DPF2: variants seen among roughly 807,000 people sequenced by gnomAD.
DPF2 encodes double PHD fingers 2, also known as zinc finger protein ubi-d4.
DPF2 carries 10 observed loss-of-function variants against 59.6 expected under a neutral mutation model. That is an observed-to-expected ratio of 0.17 (90% CI 0.10 to 0.28). DPF2 has a LOEUF of 0.28. DPF2 is among the 10% of genes least tolerant of loss of function. The probability of loss-of-function intolerance (pLI) is 1.00; values close to 1 mark genes in which losing one functional copy is unlikely to be tolerated. For synonymous variants in DPF2, 189 were observed against 190.6 expected, an observed-to-expected ratio of 0.99 and a Z score of 0.07; for missense variants, 315 against 509.4, an observed-to-expected ratio of 0.62 and a Z score of 3.67.
intron 10 of DPF2, 29 bp downstream of exon 10, chr11:65,348,960 C>T: frequency 6.2e-7 from 1 of 1,607,408 alleles, no homozygotes; most frequent in Non-Finnish European, 8.5e-7. Flanking sequence ...TTACTCAGAA[C>T]AATTACTTTA....
At chr11:65,337,509 A>AGG in intron 1 of DPF2, among the ~76,000 whole-genome samples, 1 of 79,496 alleles carries the variant, frequency 1.3e-5, no homozygotes, top group Non-Finnish European at 2.3e-5. Context: ...ATATATAGAG[A>AGG]GAGAGAGAGA....
At chr11:65,336,785 CAA>C (rs751170058) in intron 1 of DPF2, among the ~76,000 whole-genome samples, 11 of 65,844 alleles carry the variant, frequency 1.7e-4, no homozygotes, top group Non-Finnish European at 1.2e-4. Context: ...GACTCCATCT[CAA>C]AAAAAAAAAA....
intron 3 of DPF2, 136 bp downstream of exon 3, chr11:65,341,209 C>A (rs369045124): frequency 1.6e-6 from 2 of 1,256,238 alleles, no homozygotes; most frequent in South Asian, 1.4e-5. Flanking sequence ...CCTTTAAGGA[C>A]CTCAGTCTAG....
At chr11:65,338,470 G>A (rs977719546) in intron 1 of DPF2, among the ~76,000 whole-genome samples, 16 of 152,220 alleles carry the variant, frequency 1.1e-4, no homozygotes, top group African/African-American at 3.9e-4. Flanking sequence ...GCCTGGCCCT[G>A]CCTTCCATTT....
chr11:65,351,552 C>G lies in DPF2; in HGVS notation c.1100-131C>G, dbSNP rs562372659. The G allele has an allele frequency of 1.1e-5, 8 of 741,776 alleles. No homozygotes were observed. In the African/African-American group the frequency reaches 1.2e-4, roughly 11 times the overall value. The allele number at this position is 741,776 out of a possible 1,614,324, so 45.9% of individuals were successfully genotyped here. Reference sequence around the variant, plus strand: ...CCAGCTCAGGAAACCATGGAACTTTCCTGCTGCAGAGCATCCCTCGTCCTA... The same window carrying G: ...CCAGCTCAGGAAACCATGGAACTTTGCTGCTGCAGAGCATCCCTCGTCCTA... On this transcript the variant is annotated intron_variant, in intron 10 of 10. Transcript: ENST00000528416.
chr11:65,354,249 C>G lies in DPF2; in HGVS notation c.*2490C>G, dbSNP rs969346624. On this transcript the variant is annotated 3_prime_UTR_variant, in exon 11 of 11. Transcript: ENST00000528416. ...GTAAAGTACCAAATCTAATAAAATA[C>G]TCGTCCTAAATCATTACTGGCCCAA... is the stretch of plus-strand genomic sequence containing the variant. Among the ~76,000 whole-genome samples, 2 of 152,350 alleles carry G rather than the reference C, an allele frequency of 1.3e-5. No homozygotes were observed. Among genetic ancestry groups the G allele is most frequent in the Admixed American group, 1.3e-4 (2 of 15,304 alleles).
intron 1 of DPF2, among the ~76,000 whole-genome samples, chr11:65,337,473 A>T (rs1336924527): frequency 6.9e-5 from 3 of 43,730 alleles, no homozygotes; most frequent in African/African-American, 9.1e-5. Context: ...AAAAAAAAAA[A>T]AATATATATA....
Position 65,344,048 on chromosome 11 carries a change from G to C in DPF2, c.616G>C (p.Asp206His). The change falls in exon 6 of 11, where the codon GAT (aspartate) becomes CAT (histidine). Residue 206 changes from aspartate (D) to histidine (H), a missense_variant. Around this residue, in one of 4 missense-constraint regions of DPF2, gnomAD observed 228 missense variants for 275.3 expected, o/e 0.83. Coordinates refer to ENST00000528416, the MANE Select transcript of DPF2 (RefSeq NM_006268.5). ...GGATGCTTCCATCCTGGAGGACCGG[G>C]ATAAGCCCTATGCCTGTGACAGTGA... ...KLDASILEDRDKPYACDICGK... is the reference protein window; with the variant it reads ...KLDASILEDRHKPYACDICGK... 1 of 1,614,234 alleles carries C rather than the reference G, an allele frequency of 6.2e-7. No individual in the cohort carries two copies.
At position 65,343,880 on chromosome 11, in the gene DPF2, C is replaced by T. The variant is rs1854452360; in HGVS notation, c.558+43C>T. On this transcript the variant is annotated intron_variant, in intron 5 of 10. Coordinates refer to ENST00000528416, the MANE Select transcript of DPF2 (RefSeq NM_006268.5). ...TGCCTGCATCTTGGGACAGGGTGGC[C>T]TAGGGAATTCCTTATTTTATTTCAA... The T allele has an allele frequency of 1.9e-6, 3 of 1,584,838 alleles. No individual in the cohort carries two copies. In the South Asian group the frequency reaches 3.4e-5, roughly 18 times the overall value.
At position 65,345,987 on chromosome 11, in the gene DPF2, G is replaced by A; in HGVS notation, c.833G>A (p.Gly278Glu). 6.2e-7 allele frequency: 1 copy of A among 1,614,168 alleles called. No homozygotes were observed. The highest frequency in any genetic ancestry group is 8.5e-7 in the Non-Finnish European group (1 of 1,180,040). Residue 278 changes from glycine (G) to glutamate (E), a missense_variant, in exon 8 of 11, where the codon GGG (glycine) becomes GAG (glutamate). Gly to Glu is a moderately conservative substitution (Grantham distance 98, BLOSUM62 -2). This residue lies in a region of DPF2 where 58 missense variants were observed against 84.6 expected (regional missense o/e 0.69). Coordinates refer to ENST00000528416, the MANE Select transcript of DPF2 (RefSeq NM_006268.5). ...AACAACTACTGTGACTTCTGCCTGGGGGACTCAAAGATTAACAAGAAGACG... is the reference window on the plus strand; with the variant it reads ...AACAACTACTGTGACTTCTGCCTGGAGGACTCAAAGATTAACAAGAAGACG... ...LPNNYCDFCL[G>E]DSKINKKTGQ...
chr11:65,351,232 C>A (rs1481868587), intron 10 of DPF2, among the ~76,000 whole-genome samples: 2 of 151,752 alleles, frequency 1.3e-5, no homozygotes, highest in South Asian at 2.1e-4. Flanking sequence ...TAATTTTATT[C>A]AAAAAAAATT....
intron 10 of DPF2, 103 bp downstream of exon 10, chr11:65,349,034 T>G: frequency 1.5e-6 from 2 of 1,357,950 alleles, no homozygotes; most frequent in Non-Finnish European, 2.1e-6. Flanking sequence ...TTCTTCCAAA[T>G]TAGGGAGTAA....
chr11:65,346,067 T>A lies in DPF2; in HGVS notation c.904+9T>A, dbSNP rs1163987258. ...TGACTGTGGCCGCTCAGGTACTGCT[T>A]CCCGTGAAGGCTGCTGCTTTGCCCA... On this transcript the variant is annotated intron_variant, in intron 8 of 10. Transcript: ENST00000528416. 2.5e-6 allele frequency: 4 copies of A among 1,614,096 alleles called. No homozygotes were observed. The highest frequency in any genetic ancestry group is 3.4e-6 in the Non-Finnish European group (4 of 1,180,004).
intron 1 of DPF2, among the ~76,000 whole-genome samples, chr11:65,339,473 A>G (rs1854302167): frequency 6.6e-6 from 1 of 152,126 alleles, no homozygotes; most frequent in African/African-American, 2.4e-5. Flanking sequence ...TTTTTCCTAT[A>G]TAATTTTATT....
chr11:65,336,780 C>A (rs1854165528), intron 1 of DPF2, among the ~76,000 whole-genome samples: 2 of 107,502 alleles, frequency 1.9e-5, no homozygotes, highest in East Asian at 2.9e-4. Context: ...AGCAAGACTC[C>A]ATCTCAAAAA....
intron 1 of DPF2, among the ~76,000 whole-genome samples, chr11:65,338,530 C>T (rs948767340): frequency 1.3e-5 from 2 of 152,204 alleles, no homozygotes; most frequent in African/African-American, 4.8e-5. Flanking sequence ...AAGGAGCTGC[C>T]GCACTCAACC....
intron 10 of DPF2, 92 bp downstream of exon 10, chr11:65,349,023 A>G (rs1360015349): frequency 1.4e-6 from 2 of 1,434,094 alleles, no homozygotes; most frequent in Non-Finnish European, 1.9e-6. Context: ...TCACTTACAT[A>G]TTCTTCCAAA....
intron 6 of DPF2, chr11:65,344,985 A>C: frequency 3.5e-6 from 1 of 286,194 alleles, no homozygotes; most frequent in Non-Finnish European, 6.5e-6. Flanking sequence ...CTCTCTCCCC[A>C]CTCCTTTCCT....
At chr11:65,335,674 T>A (rs956769136) in intron 1 of DPF2, among the ~76,000 whole-genome samples, 1 of 152,178 alleles carries the variant, frequency 6.6e-6, no homozygotes, top group Admixed American at 6.5e-5. Flanking sequence ...CCCACAGAAT[T>A]ATCCCTTTAA....
Sources: allele counts gnomAD v4.1 joint callset (sites outside exome capture counted in the v4.1 genomes callset), GRCh38; gene constraint gnomAD v4.1.1; regional missense constraint gnomAD v4.1.1; transcripts MANE v1.5; gene names NCBI Gene and HGNC (gene_info 2026-07-23, HGNC 2026-07-21).